Variants in CCDC175 observed in about 807,000 individuals in gnomAD.
The protein encoded by CCDC175 is coiled-coil domain containing 175, also known as coiled-coil domain-containing protein 175.
A neutral mutation model predicts 114.6 loss-of-function variants in CCDC175; 100 were observed. The ratio of observed to expected loss-of-function variants is 0.87; its 90% CI spans 0.74 to 1.03. The LOEUF is 1.03. Among genes scored for constraint, CCDC175 ranks in the 50% least tolerant of loss-of-function variants. CCDC175 has a pLI of 0.00. For missense variants in CCDC175, 880 were observed against 917.8 expected, an observed-to-expected ratio of 0.96 and a Z score of 0.53; for synonymous variants, 306 against 308.7, an observed-to-expected ratio of 0.99 and a Z score of 0.09.
At chr14:59,539,303 C>G (rs1019689419) in intron 11 of CCDC175, among the ~76,000 whole-genome samples, 1 of 152,224 alleles carries the variant, frequency 6.6e-6, no homozygotes, top group Non-Finnish European at 1.5e-5. Context: ...TAGGGCCAGG[C>G]GCAGTGGCTC....
intron 13 of CCDC175, among the ~76,000 whole-genome samples, chr14:59,534,656 A>C (rs541092734): frequency 7.9e-5 from 12 of 152,354 alleles, no homozygotes; most frequent in South Asian, 6.2e-4. Context: ...TGTAGGACCC[A>C]GAAAAGTGAA....
intron 7 of CCDC175, among the ~76,000 whole-genome samples, chr14:59,552,725 T>C (rs1384211833): frequency 1.3e-5 from 2 of 152,108 alleles, no homozygotes; most frequent in African/African-American, 4.8e-5. Context: ...CGAAAAAAGA[T>C]TAGACGAATG....
intron 19 of CCDC175, among the ~76,000 whole-genome samples, chr14:59,508,962 A>G (rs953414968): frequency 6.6e-6 from 1 of 152,172 alleles, no homozygotes; most frequent in Non-Finnish European, 1.5e-5. Flanking sequence ...CTCCATTGCT[A>G]TAGCAAGTTC....
At chr14:59,558,496 C>A (rs759559190) in intron 7 of CCDC175, among the ~76,000 whole-genome samples, 1 of 152,038 alleles carries the variant, frequency 6.6e-6, no homozygotes, top group Non-Finnish European at 1.5e-5. Flanking sequence ...GGCAATAGGA[C>A]GTGACTTTGG....
chr14:59,513,530 G>A (rs979169688), intron 17 of CCDC175, among the ~76,000 whole-genome samples: 16 of 152,208 alleles, frequency 1.1e-4, no homozygotes, highest in African/African-American at 3.9e-4. Flanking sequence ...TCCCGTGCCT[G>A]GCTTGGAGGG....
intron 4 of CCDC175, among the ~76,000 whole-genome samples, chr14:59,565,690 G>A (rs965703205): frequency 6.6e-6 from 1 of 151,896 alleles, no homozygotes; most frequent in Non-Finnish European, 1.5e-5. Flanking sequence ...CTGAGTGACA[G>A]AGTGAGTCTC....
chr14:59,522,636 G>C lies in CCDC175; in HGVS notation c.1996-960C>G, dbSNP rs914599864. Among the ~76,000 whole-genome samples, 21 of 152,166 alleles carry C rather than the reference G, an allele frequency of 1.4e-4. 1 individual carries two copies. Among genetic ancestry groups the C allele is most frequent in the Admixed American group, 1.2e-3 (18 of 15,288 alleles). On this transcript the variant is annotated intron_variant, in intron 16 of 19. Coordinates refer to ENST00000537690, the MANE Select transcript of CCDC175 (RefSeq NM_001164399.2). ...ACTCCTTCAAAGTTGTTTTTCTCCA[G>C]GATTCTGTTCACAGCCCCTAATCTT...
At chr14:59,569,811 G>T (rs892648397) in intron 3 of CCDC175, among the ~76,000 whole-genome samples, 2 of 152,128 alleles carry the variant, frequency 1.3e-5, no homozygotes, top group African/African-American at 2.4e-5. Context: ...AATAAACAGA[G>T]GATTAGAGTA....
intron 12 of CCDC175, 42 bp from the exon 13 acceptor site, chr14:59,538,196 G>C (rs1486524873): frequency 4.0e-6 from 6 of 1,488,740 alleles, no homozygotes; most frequent in Non-Finnish European, 5.4e-6. Flanking sequence ...CTCTTGTAGT[G>C]ATCAGCCTTA....
intron 17 of CCDC175, among the ~76,000 whole-genome samples, chr14:59,518,118 A>G (rs1203844852): frequency 6.6e-6 from 1 of 152,260 alleles, no homozygotes; most frequent in African/African-American, 2.4e-5. Flanking sequence ...GGCTAGCCAT[A>G]TGGAGAAAGC....
chr14:59,551,179 G>A (rs1956355), intron 8 of CCDC175, 176 bp downstream of exon 8: 263,342 of 425,928 alleles, frequency 0.62, 83,715 homozygotes, highest in East Asian at 0.82. Flanking sequence ...TTTGCTCTTT[G>A]ATATAATTAA....
At chr14:59,567,429 A>G (rs530918668) in intron 4 of CCDC175, among the ~76,000 whole-genome samples, 1 of 152,276 alleles carries the variant, frequency 6.6e-6, no homozygotes, top group Admixed American at 6.5e-5. Context: ...CCCTCTGATT[A>G]TTTTGGATTC....
intron 14 of CCDC175, among the ~76,000 whole-genome samples, chr14:59,531,368 A>T (rs1241867314): frequency 6.6e-6 from 1 of 152,068 alleles, no homozygotes; most frequent in Non-Finnish European, 1.5e-5. Flanking sequence ...AAAAAATCTG[A>T]GGAGTGCTTA....
rs889990862 is a variant in CCDC175, at chr14:59,521,505, T to C, written c.2098+69A>G. ...TCCTTAATAAGCTCCCTTTCATATATACATATATCCTATTAGTTCTGTCCC... is the reference window on the plus strand; with the variant it reads ...TCCTTAATAAGCTCCCTTTCATATACACATATATCCTATTAGTTCTGTCCC... On this transcript the variant is annotated intron_variant, in intron 17 of 19. Coordinates refer to ENST00000537690, the MANE Select transcript of CCDC175 (RefSeq NM_001164399.2). 1.4e-5 allele frequency: 11 copies of C among 814,026 alleles called. No homozygotes were observed. The East Asian group carries it at 3.0e-4, about 22-fold the overall frequency. 50.4% of individuals were successfully genotyped at this position (814,026 alleles called of 1,614,324 possible).
intron 16 of CCDC175, among the ~76,000 whole-genome samples, chr14:59,523,905 C>T (rs868149603): frequency 5.9e-5 from 9 of 151,814 alleles, no homozygotes; most frequent in African/African-American, 9.7e-5. Context: ...AGGAGAATGG[C>T]GTGAACCTGG....
chr14:59,527,108 T>G lies in CCDC175; in HGVS notation c.1829A>C (p.Tyr610Ser). The change falls in exon 15 of 20, where the codon TAC becomes TCC. Residue 610 changes from tyrosine (Y) to serine (S), a missense_variant. By Grantham distance (144) the Tyr-to-Ser change is moderately radical. Transcript: ENST00000537690. ...IFLFTRDFSR[Y>S]ISNMEDVKQE... The stretch of plus-strand genomic sequence containing the variant: ...TTGATCTTTTACCATGTTGCTAATG[T>G]ATCTTGAAAAGTCCCTTGTAAACAG... 1 of 1,458,056 alleles carries G rather than the reference T, an allele frequency of 6.9e-7. No homozygotes were observed. The highest frequency in any genetic ancestry group is 9.1e-7 in the Non-Finnish European group (1 of 1,100,158). 90.3% of individuals were successfully genotyped at this position (1,458,056 alleles called of 1,614,324 possible). A position where few individuals can be genotyped will look rare whatever the true frequency, so the allele number is the denominator to read the frequency against.
chr14:59,510,686 C>A lies in CCDC175; in HGVS notation c.2265G>T (p.Leu755=). ...GTGATTCCTGTTCCACAAGCAAACG[C>A]AGCCCTTCAAGACTCCCTCGTAGCC... ...STWLRGSLEG[L]RLLVEQESPM... The change falls in exon 19 of 20, where the codon CTG becomes CTT. Residue 755 remains leucine, a synonymous_variant. Transcript: ENST00000537690. The A allele has an allele frequency of 6.5e-7, 1 of 1,537,248 alleles. No homozygotes were observed. The highest frequency in any genetic ancestry group is 8.7e-7 in the Non-Finnish European group (1 of 1,146,886).
chr14:59,547,438 C>G (rs1409361734), intron 8 of CCDC175, among the ~76,000 whole-genome samples: 1 of 152,120 alleles, frequency 6.6e-6, no homozygotes, highest in East Asian at 1.9e-4. Context: ...GGATTTATAC[C>G]ACTGGCCATA....
At chr14:59,533,987 TAAAA>T (rs3084296) in intron 13 of CCDC175, among the ~76,000 whole-genome samples, 98 of 133,596 alleles carry the variant, frequency 7.3e-4, no homozygotes, top group Non-Finnish European at 1.3e-3. Flanking sequence ...AGACCCCTTT[TAAAA>T]AAAAAAAAAA....
Sources: allele counts gnomAD v4.1 joint callset (sites outside exome capture counted in the v4.1 genomes callset), GRCh38; gene constraint gnomAD v4.1.1; transcripts MANE v1.5; gene names NCBI Gene and HGNC (gene_info 2026-07-23, HGNC 2026-07-21).